KIAA0825: variants seen among roughly 807,000 people sequenced by gnomAD.
KIAA0825 encodes KIAA0825.
In KIAA0825, 119 loss-of-function variants were observed where a neutral mutation model predicts 147.6. The observed-to-expected ratio is 0.81, with a 90% CI of 0.69 to 0.94. The LOEUF is 0.94. KIAA0825 is among the 40% of genes least tolerant of loss of function. The probability of loss-of-function intolerance (pLI) is 0.00; values close to 1 mark genes in which losing one functional copy is unlikely to be tolerated. For missense variants in KIAA0825, 1,381 were observed against 1,472.7 expected, an observed-to-expected ratio of 0.94 and a Z score of 1.02; for synonymous variants, 470 against 518.1, an observed-to-expected ratio of 0.91 and a Z score of 1.26.
intron 1 of KIAA0825, among the ~76,000 whole-genome samples, chr5:94,615,311 T>C (rs915189360): frequency 1.3e-5 from 2 of 152,116 alleles, no homozygotes; most frequent in African/African-American, 4.8e-5. Context: ...TCCATCAAAC[T>C]CCTATATGTT....
chr5:94,260,619 A>G (rs1326943665), intron 20 of KIAA0825, among the ~76,000 whole-genome samples: 6 of 152,196 alleles, frequency 3.9e-5, no homozygotes, highest in Admixed American at 3.9e-4. Context: ...TTACAGAAAT[A>G]CCATATAGAA....
chr5:94,332,714 G>A (rs1781410078), intron 20 of KIAA0825, among the ~76,000 whole-genome samples: 1 of 152,124 alleles, frequency 6.6e-6, no homozygotes, highest in African/African-American at 2.4e-5. Flanking sequence ...TACATGATTA[G>A]AATGATTTAT....
intron 8 of KIAA0825, among the ~76,000 whole-genome samples, chr5:94,472,533 C>CA (rs1409682928): frequency 7.9e-5 from 12 of 151,990 alleles, no homozygotes; most frequent in Admixed American, 6.6e-4. Context: ...ATCACAAGGT[C>CA]GGAGATTGAG....
At chr5:94,259,405 A>T (rs901329751) in intron 20 of KIAA0825, among the ~76,000 whole-genome samples, 1 of 152,034 alleles carries the variant, frequency 6.6e-6, no homozygotes, top group Non-Finnish European at 1.5e-5. Context: ...TAGTAAGGTG[A>T]ATTTTAGAAT....
At chr5:94,486,562 A>C (rs1313745120) in intron 5 of KIAA0825, among the ~76,000 whole-genome samples, 1 of 152,156 alleles carries the variant, frequency 6.6e-6, no homozygotes, top group Admixed American at 6.5e-5. Context: ...AAAAATCTGC[A>C]AGTAAATACA....
chr5:94,218,780 C>G (rs1447227466), intron 20 of KIAA0825, among the ~76,000 whole-genome samples: 1 of 152,216 alleles, frequency 6.6e-6, no homozygotes, highest in African/African-American at 2.4e-5. Flanking sequence ...CTGCTAACAT[C>G]CTACTTATCT....
Position 94,357,762 on chromosome 5 carries a change from T to G in KIAA0825, c.3710+26606A>C, listed in dbSNP as rs760654615. ...TTAACTGCAGTCCTGCCATGGTACT[T>G]CCATAAGAAAATCACACCTGGTTAA... On this transcript the variant is annotated intron_variant, in intron 20 of 20. Coordinates refer to ENST00000682413, the MANE Select transcript of KIAA0825 (RefSeq NM_001145678.3). Among the ~76,000 whole-genome samples, 76 of 152,140 alleles carry G rather than the reference T, an allele frequency of 5.0e-4. 2 individuals are homozygous for G. The highest frequency in any genetic ancestry group is 1.3e-4 in the Non-Finnish European group (9 of 68,030).
At chr5:94,570,177 C>T (rs1779667308) in intron 2 of KIAA0825, 1 of 152,616 alleles carries the variant, frequency 6.6e-6, no homozygotes, top group Non-Finnish European at 1.5e-5. Context: ...GGCATCCCCT[C>T]CCATTCCGAC....
At chr5:94,351,987 T>C (rs1426119786) in intron 20 of KIAA0825, among the ~76,000 whole-genome samples, 2 of 152,102 alleles carry the variant, frequency 1.3e-5, no homozygotes, top group East Asian at 3.8e-4. Context: ...AAGATAACAT[T>C]GGAAAAAACC....
intron 1 of KIAA0825, among the ~76,000 whole-genome samples, chr5:94,588,919 G>C (rs2152385591): frequency 6.6e-6 from 1 of 152,178 alleles, no homozygotes; most frequent in Admixed American, 6.5e-5. Context: ...CTATCACAAG[G>C]ACAGAAAACC....
At chr5:94,280,030 C>T (rs1045346156) in intron 20 of KIAA0825, among the ~76,000 whole-genome samples, 10 of 152,020 alleles carry the variant, frequency 6.6e-5, no homozygotes, top group Admixed American at 4.6e-4. Flanking sequence ...GAAGCTCAGT[C>T]GGCACAGCCA....
At chr5:94,547,733 T>C (rs1315792193) in intron 2 of KIAA0825, among the ~76,000 whole-genome samples, 15 of 54,960 alleles carry the variant, frequency 2.7e-4, no homozygotes, top group Non-Finnish European at 5.6e-4. Flanking sequence ...TAAGACTCCC[T>C]TTCAAAAAAA....
At chr5:94,574,318 G>A (rs1780548973) in intron 2 of KIAA0825, among the ~76,000 whole-genome samples, 1 of 152,092 alleles carries the variant, frequency 6.6e-6, no homozygotes. Context: ...GCTGAGGTGG[G>A]AGGATCACAA....
intron 20 of KIAA0825, among the ~76,000 whole-genome samples, chr5:94,308,395 G>A (rs1051949480): frequency 1.3e-4 from 19 of 151,676 alleles, no homozygotes; most frequent in Admixed American, 4.0e-4. Context: ...TCTCAATCCA[G>A]TATTGGTTTT....
At position 94,387,377 on chromosome 5, in the gene KIAA0825, A is replaced by G. The variant is rs548610325; in HGVS notation, c.3457-973T>C. 1.8e-4 allele frequency among the ~76,000 whole-genome samples: 27 copies of G among 152,274 alleles called. 1 individual carries two copies. Among genetic ancestry groups the G allele is most frequent in the Admixed American group, 1.5e-3 (23 of 15,280 alleles). ...TTAGAAAAGCAGAATCTTGAACCCT[A>G]TTGAATCAGAACCTGCCTGTTAATG... On this transcript the variant is annotated intron_variant, in intron 18 of 20. Transcript: ENST00000682413.
At chr5:94,600,447 G>GTA (rs901801454) in intron 1 of KIAA0825, among the ~76,000 whole-genome samples, 11 of 150,032 alleles carry the variant, frequency 7.3e-5, no homozygotes, top group Non-Finnish European at 1.2e-4. Flanking sequence ...TTCCTTATGT[G>GTA]TATATATATA....
chr5:94,224,813 G>A (rs2150071820), intron 20 of KIAA0825, among the ~76,000 whole-genome samples: 1 of 152,260 alleles, frequency 6.6e-6, no homozygotes, highest in African/African-American at 2.4e-5. Context: ...GCTGATGGCT[G>A]AATCTCCCTT....
At chr5:94,467,847 T>C (rs2150976691) in intron 10 of KIAA0825, among the ~76,000 whole-genome samples, 1 of 152,178 alleles carries the variant, frequency 6.6e-6, no homozygotes, top group South Asian at 2.1e-4. Context: ...CACAAAGCAG[T>C]TGGAATAATG....
intron 2 of KIAA0825, among the ~76,000 whole-genome samples, chr5:94,556,951 T>C (rs1776646498): frequency 6.6e-6 from 1 of 152,194 alleles, no homozygotes; most frequent in African/African-American, 2.4e-5. Flanking sequence ...TACTGACAGC[T>C]ACTCCTTCCT....
Sources: allele counts gnomAD v4.1 joint callset (sites outside exome capture counted in the v4.1 genomes callset), GRCh38; gene constraint gnomAD v4.1.1; transcripts MANE v1.5; gene names NCBI Gene and HGNC (gene_info 2026-07-23, HGNC 2026-07-21).